The following SH3YL1 variants were observed in gnomAD, a reference collection of about 807,000 sequenced individuals.
The protein encoded by SH3YL1 is SH3 domain-containing YSC84-like protein 1.
In SH3YL1, 41 loss-of-function variants were observed where a neutral mutation model predicts 45.8. The ratio of observed to expected loss-of-function variants is 0.89; its 90% CI spans 0.70 to 1.16. The LOEUF is 1.16. Ranked by LOEUF, SH3YL1 falls within the 50% of genes most tolerant of loss-of-function variation. The pLI is 0.00. For missense variants in SH3YL1, 389 were observed against 409.6 expected, an observed-to-expected ratio of 0.95 and a Z score of 0.43; for synonymous variants, 152 against 151.4, an observed-to-expected ratio of 1.00 and a Z score of -0.03.
intron 9 of SH3YL1, among the ~76,000 whole-genome samples, chr2:219,860 T>C (rs1394622449): frequency 1.3e-5 from 2 of 152,084 alleles, no homozygotes; most frequent in Admixed American, 6.6e-5. Flanking sequence ...ATCCTCTCAA[T>C]ATCAGAGATA....
In SH3YL1 at chr2:218,921, C is replaced by T; in HGVS notation, c.919G>A (p.Gly307Arg). The part of the protein sequence containing the change: ...QQPGDLNFQA[G>R]DRITVISKTD... ...TTTGATATAACTGTGATTCTGTCTC[C>T]AGCTTGAAAATTCAAATCCCCAGGC... The change falls in exon 10 of 10, where the codon GGA becomes AGA. Residue 307 changes from glycine (G) to arginine (R), a missense_variant. Transcript: ENST00000356150. The T allele has an allele frequency of 6.2e-7, 1 of 1,614,044 alleles. No homozygotes were observed. Among genetic ancestry groups the T allele is most frequent in the Non-Finnish European group, 8.5e-7 (1 of 1,179,972 alleles).
At chr2:231,841 T>G (rs536743161) in intron 6 of SH3YL1, among the ~76,000 whole-genome samples, 2 of 152,334 alleles carry the variant, frequency 1.3e-5, no homozygotes, top group African/African-American at 4.8e-5. Context: ...ATAAGATGAA[T>G]AGTTCTGAAA....
At chr2:220,277 A>G (rs182823483) in intron 9 of SH3YL1, among the ~76,000 whole-genome samples, 72 of 152,120 alleles carry the variant, frequency 4.7e-4, no homozygotes, top group Non-Finnish European at 9.4e-4. Flanking sequence ...TCTGACTAAA[A>G]CACTGAATTT....
intron 8 of SH3YL1, among the ~76,000 whole-genome samples, chr2:228,814 C>T (rs1362896078): frequency 6.6e-6 from 1 of 152,118 alleles, no homozygotes; most frequent in South Asian, 2.1e-4. Context: ...GTCAAAGGCA[C>T]AGCCAAGAAT....
chr2:233,461 T>C (rs547259494), intron 5 of SH3YL1, among the ~76,000 whole-genome samples: 3 of 152,202 alleles, frequency 2.0e-5, no homozygotes, highest in Non-Finnish European at 2.9e-5. Flanking sequence ...TCTGGTAACA[T>C]AGAACTGTGT....
At chr2:236,977 T>C (rs979159591) in intron 4 of SH3YL1, among the ~76,000 whole-genome samples, 5 of 152,222 alleles carry the variant, frequency 3.3e-5, no homozygotes, top group African/African-American at 9.6e-5. Context: ...ACTGTTCATT[T>C]TATTTTACAT....
chr2:253,507 G>T (rs1378927959), intron 1 of SH3YL1, among the ~76,000 whole-genome samples: 1 of 152,162 alleles, frequency 6.6e-6, no homozygotes, highest in Non-Finnish European at 1.5e-5. Flanking sequence ...CGCCATGACA[G>T]TTTACAAATG....
chr2:247,517 G>A (rs1302704799), intron 4 of SH3YL1, 21 bp downstream of exon 4: 53 of 1,545,264 alleles, frequency 3.4e-5, no homozygotes, highest in Middle Eastern at 1.7e-4. Context: ...GCAGTTGTAT[G>A]GACGTGCACA....
intron 9 of SH3YL1, among the ~76,000 whole-genome samples, chr2:219,220 C>T (rs1667478187): frequency 6.6e-6 from 1 of 152,132 alleles, no homozygotes; most frequent in South Asian, 2.1e-4. Flanking sequence ...TGGTTACAAT[C>T]GTCTAAATTT....
intron 3 of SH3YL1, 148 bp from the exon 4 acceptor site, chr2:247,750 A>G (rs1668892494): frequency 4.8e-6 from 3 of 620,964 alleles, no homozygotes; most frequent in Non-Finnish European, 8.2e-6. Flanking sequence ...GATCTTCAAA[A>G]AGAATATGTA....
intron 4 of SH3YL1, among the ~76,000 whole-genome samples, chr2:239,387 G>GT (rs962461740): frequency 7.2e-5 from 11 of 152,208 alleles, no homozygotes; most frequent in African/African-American, 2.4e-4. Context: ...TGGAGCAAAT[G>GT]TAACATTTTT....
At chr2:239,282 T>C (rs1668441020) in intron 4 of SH3YL1, among the ~76,000 whole-genome samples, 1 of 152,220 alleles carries the variant, frequency 6.6e-6, no homozygotes, top group African/African-American at 2.4e-5. Context: ...ACTAATAGGT[T>C]AGCATCTCCC....
At chr2:254,911 G>T (rs992055981) in intron 1 of SH3YL1, among the ~76,000 whole-genome samples, 1 of 152,214 alleles carries the variant, frequency 6.6e-6, no homozygotes, top group African/African-American at 2.4e-5. Context: ...ACACTCAAAA[G>T]AATGCAACTG....
intron 8 of SH3YL1, among the ~76,000 whole-genome samples, chr2:229,673 G>A (rs966266184): frequency 2.3e-4 from 33 of 142,688 alleles, no homozygotes; most frequent in Non-Finnish European, 4.2e-4. Flanking sequence ...AGCTTGCAGT[G>A]AGCCGAGATC....
At chr2:234,117 G>A (rs1668177256) in intron 5 of SH3YL1, 43 bp downstream of exon 5, 1 of 1,382,400 alleles carries the variant, frequency 7.2e-7, no homozygotes. Context: ...AAAATATGCA[G>A]TTGTTAAACC....
In SH3YL1 at chr2:249,822, T is replaced by A. The variant is rs1204004801; in HGVS notation, c.135A>T (p.Lys45Asn). The change falls in exon 3 of 10, where the codon AAA (lysine) becomes AAT (asparagine). Residue 45 changes from lysine to asparagine, a missense_variant. Coordinates refer to ENST00000356150, the MANE Select transcript of SH3YL1 (RefSeq NM_015677.4). ...TGATCACAGACAGAATTGCAAGGCC[T>A]TTAGCCTTCGCAATTACGTGAGCTG... ...IIPAHVIAKAKGLAILSVIKA... is the reference protein window; with the variant it reads ...IIPAHVIAKANGLAILSVIKA... 6.4e-6 allele frequency: 10 copies of A among 1,551,896 alleles called. No homozygotes were observed. The East Asian group carries it at 2.2e-4, about 34-fold the overall frequency.
Position 219,027 on chromosome 2 carries a change from T to C in SH3YL1, c.839-26A>G, listed in dbSNP as rs753295385. The C allele has an allele frequency of 1.9e-6, 3 of 1,585,794 alleles. No homozygotes were observed. The East Asian group carries it at 6.7e-5, about 36-fold the overall frequency. On this transcript the variant is annotated intron_variant, in intron 9 of 9. Transcript: ENST00000356150. ...CTGAAACAAGAAAAAAGTATTCACGTTTATGTTCTTTAAGGGAGAAATTGG... is the reference window on the plus strand; with the variant it reads ...CTGAAACAAGAAAAAAGTATTCACGCTTATGTTCTTTAAGGGAGAAATTGG...
intron 1 of SH3YL1, chr2:263,123 C>T (rs1669656673): frequency 1.9e-5 from 3 of 157,336 alleles, no homozygotes; most frequent in African/African-American, 7.2e-5. Context: ...GTTATGAATT[C>T]AGATATTCCC....
At chr2:222,703 G>A (rs529392610) in intron 9 of SH3YL1, 2 of 152,348 alleles carry the variant, frequency 1.3e-5, no homozygotes, top group South Asian at 4.1e-4. Flanking sequence ...CTACACAGCT[G>A]GACCTTCCAA....
Sources: gnomAD v4.1 joint callset for allele counts (sites outside exome capture counted in the v4.1 genomes callset) on GRCh38, gnomAD v4.1.1 for gene constraint, MANE v1.5 for transcripts, NCBI Gene and HGNC (gene_info 2026-07-23, HGNC 2026-07-21) for gene names.